Variants in INPP4B observed in about 807,000 individuals in gnomAD.
INPP4B encodes the protein inositol polyphosphate 4-phosphatase type II.
In INPP4B, 55 loss-of-function variants were observed where a neutral mutation model predicts 122.5. That is an observed-to-expected ratio of 0.45 (90% CI 0.36 to 0.56). The LOEUF is 0.56. Among genes scored for constraint, INPP4B ranks in the 20% least tolerant of loss-of-function variants. The probability of loss-of-function intolerance (pLI) is 0.00; values close to 1 mark genes in which losing one functional copy is unlikely to be tolerated. For synonymous variants in INPP4B, 403 were observed against 388.7 expected, an observed-to-expected ratio of 1.04 and a Z score of -0.43; for missense variants, 1,000 against 1,097.7, an observed-to-expected ratio of 0.91 and a Z score of 1.26.
At chr4:142,293,597 T>C (rs1394727661) in intron 9 of INPP4B, among the ~76,000 whole-genome samples, 1 of 152,234 alleles carries the variant, frequency 6.6e-6, no homozygotes, top group Non-Finnish European at 1.5e-5. Context: ...TACGTTTCCC[T>C]ATCTTCCATG....
intron 1 of INPP4B, among the ~76,000 whole-genome samples, chr4:142,793,164 A>G (rs1177060295): frequency 1.3e-5 from 2 of 152,154 alleles, no homozygotes; most frequent in Non-Finnish European, 1.5e-5. Context: ...AATACCCACA[A>G]GGATGTTTTG....
intron 3 of INPP4B, among the ~76,000 whole-genome samples, chr4:142,439,560 T>C (rs927106549): frequency 1.3e-5 from 2 of 152,218 alleles, no homozygotes; most frequent in Non-Finnish European, 2.9e-5. Flanking sequence ...GTGTATTTAT[T>C]TGGGCTGATT....
intron 2 of INPP4B, among the ~76,000 whole-genome samples, chr4:142,704,737 T>C (rs756041240): frequency 1.3e-5 from 2 of 152,210 alleles, no homozygotes; most frequent in African/African-American, 2.4e-5. Context: ...TGCTGATGAT[T>C]CCTTTATTCT....
chr4:142,362,163 G>T (rs147914985), intron 7 of INPP4B, among the ~76,000 whole-genome samples: 1 of 152,132 alleles, frequency 6.6e-6, no homozygotes, highest in African/African-American at 2.4e-5. Flanking sequence ...TCTCATGAGG[G>T]TGCGTGGGTG....
At chr4:142,184,489 C>T (rs1409504385) in intron 15 of INPP4B, among the ~76,000 whole-genome samples, 4 of 152,182 alleles carry the variant, frequency 2.6e-5, no homozygotes, top group Admixed American at 2.6e-4. Flanking sequence ...AATTCTATCA[C>T]ACTGATCTCT....
chr4:142,695,017 A>G (rs1294069239), intron 2 of INPP4B, among the ~76,000 whole-genome samples: 2 of 152,122 alleles, frequency 1.3e-5, no homozygotes, highest in Non-Finnish European at 2.9e-5. Flanking sequence ...CTGCACCTAT[A>G]AAGTCAAGGA....
At chr4:142,734,998 G>T (rs904777244) in intron 1 of INPP4B, among the ~76,000 whole-genome samples, 4 of 152,164 alleles carry the variant, frequency 2.6e-5, no homozygotes, top group Non-Finnish European at 5.9e-5. Context: ...ATAAAAGGAA[G>T]CTTTCAATCT....
At chr4:142,447,167 C>T (rs1813085775) in intron 3 of INPP4B, among the ~76,000 whole-genome samples, 1 of 152,124 alleles carries the variant, frequency 6.6e-6, no homozygotes, top group African/African-American at 2.4e-5. Context: ...AGGAAACAAG[C>T]AAGCATGTGT....
chr4:142,191,302 CA>C (rs1214244886), intron 15 of INPP4B, among the ~76,000 whole-genome samples: 2 of 152,124 alleles, frequency 1.3e-5, no homozygotes, highest in Admixed American at 6.5e-5. Flanking sequence ...AAAGCACCAA[CA>C]AAAAACAGCA....
At chr4:142,308,342 G>A (rs2151234338) in intron 8 of INPP4B, among the ~76,000 whole-genome samples, 1 of 152,204 alleles carries the variant, frequency 6.6e-6, no homozygotes, top group African/African-American at 2.4e-5. Context: ...TATTATTTGG[G>A]TACCAATGCT....
chr4:142,672,526 T>C (rs1757157447), intron 2 of INPP4B, among the ~76,000 whole-genome samples: 1 of 152,176 alleles, frequency 6.6e-6, no homozygotes, highest in Non-Finnish European at 1.5e-5. Context: ...TGAGCATCTT[T>C]TCATGTACTT....
At chr4:142,555,869 T>C (rs1729050791) in intron 2 of INPP4B, among the ~76,000 whole-genome samples, 1 of 44,882 alleles carries the variant, frequency 2.2e-5, no homozygotes, top group Admixed American at 1.9e-4. Flanking sequence ...AGACTCTGTC[T>C]CAAAAAAAAA....
At chr4:142,721,174 G>T (rs1236915077) in intron 2 of INPP4B, among the ~76,000 whole-genome samples, 3 of 151,778 alleles carry the variant, frequency 2.0e-5, no homozygotes, top group Admixed American at 6.6e-5. Context: ...GTCTTTTACT[G>T]GGAATTGCCA....
intron 7 of INPP4B, among the ~76,000 whole-genome samples, chr4:142,323,421 T>C (rs970574533): frequency 7.9e-5 from 12 of 151,914 alleles, no homozygotes; most frequent in Admixed American, 7.9e-4. Context: ...AGAAATGAGG[T>C]TCATTATTAC....
intron 7 of INPP4B, among the ~76,000 whole-genome samples, chr4:142,361,963 G>A (rs549858739): frequency 1.9e-3 from 283 of 151,990 alleles, no homozygotes; most frequent in Non-Finnish European, 3.5e-3. Context: ...ATATGACATG[G>A]CTAGTTCCAG....
chr4:142,781,573 T>C (rs1774828459), intron 1 of INPP4B, among the ~76,000 whole-genome samples: 1 of 152,180 alleles, frequency 6.6e-6, no homozygotes, highest in Non-Finnish European at 1.5e-5. Flanking sequence ...ATTGGATTGA[T>C]TGTGGTAGAA....
At chr4:142,107,578 T>C (rs763326618) in intron 23 of INPP4B, among the ~76,000 whole-genome samples, 5 of 152,176 alleles carry the variant, frequency 3.3e-5, no homozygotes, top group Non-Finnish European at 7.3e-5. Context: ...TTTTAAAGGC[T>C]TGGGTGCCTT....
chr4:142,624,932 CG>C (rs1478091141), intron 2 of INPP4B, among the ~76,000 whole-genome samples: 1 of 151,812 alleles, frequency 6.6e-6, no homozygotes, highest in Non-Finnish European at 1.5e-5. Context: ...AATTCAACAA[CG>C]CTTCATGCTA....
intron 2 of INPP4B, among the ~76,000 whole-genome samples, chr4:142,578,911 T>A (rs1325147217): frequency 2.0e-5 from 3 of 152,006 alleles, no homozygotes; most frequent in African/African-American, 7.2e-5. Context: ...GAAATTATAG[T>A]CCTCTTAAAT....
Sources: allele counts gnomAD v4.1 joint callset (sites outside exome capture counted in the v4.1 genomes callset), GRCh38; gene constraint gnomAD v4.1.1; transcripts MANE v1.5; gene names NCBI Gene and HGNC (gene_info 2026-07-23, HGNC 2026-07-21).